Variants in BLTP3B observed in about 807,000 individuals in gnomAD.
BLTP3B encodes bridge-like lipid transfer protein family member 3B, also known as UHRF1 (ICBP90) binding protein 1-like.
the BLTP3B span, chr12:100,057,780 T>C: frequency 1.2e-5 from 18 of 1,528,064 alleles, no homozygotes; most frequent in Admixed American, 4.4e-5. Context: ...TTATTACATA[T>C]AGAGAAAAGA....
At chr12:100,091,841 T>C in the BLTP3B span, among the ~76,000 whole-genome samples, 1 of 150,824 alleles carries the variant, frequency 6.6e-6, no homozygotes, top group Admixed American at 6.6e-5. Flanking sequence ...AGTCTTGCTC[T>C]GTCGCCCAGG....
the BLTP3B span, chr12:100,037,221 T>C: frequency 2.1e-6 from 2 of 962,476 alleles, no homozygotes; most frequent in African/African-American, 1.8e-5. Context: ...ATTTGAATCT[T>C]TGTAAATAAT....
At chr12:100,053,165 G>A in the BLTP3B span, among the ~76,000 whole-genome samples, 1 of 151,960 alleles carries the variant, frequency 6.6e-6, no homozygotes, top group South Asian at 2.1e-4. Context: ...AGCACTTTGG[G>A]AGGCTGAGGC....
the BLTP3B span, among the ~76,000 whole-genome samples, chr12:100,054,378 C>G: frequency 6.6e-6 from 1 of 152,020 alleles, no homozygotes; most frequent in Non-Finnish European, 1.5e-5. Flanking sequence ...GAATGTGAGA[C>G]TTTTTGGTGA....
chr12:100,048,191 C>T, the BLTP3B span: 12 of 1,580,708 alleles, frequency 7.6e-6, no homozygotes, highest in African/African-American at 6.8e-5. Flanking sequence ...GCTTTCTGAT[C>T]GGAACCTAAG....
the BLTP3B span, chr12:100,095,866 T>C: frequency 6.5e-7 from 1 of 1,539,904 alleles, no homozygotes; most frequent in Non-Finnish European, 8.7e-7. Flanking sequence ...TTTTATAAAA[T>C]TAAGCCAAGA....
At chr12:100,103,125 T>A in the BLTP3B span, among the ~76,000 whole-genome samples, 2 of 152,104 alleles carry the variant, frequency 1.3e-5, no homozygotes, top group Admixed American at 1.3e-4. Context: ...GACATAGCCA[T>A]TAACTACTAA....
chr12:100,073,382 T>C, the BLTP3B span, among the ~76,000 whole-genome samples: 2 of 147,054 alleles, frequency 1.4e-5, no homozygotes, highest in South Asian at 4.3e-4. Flanking sequence ...TTTTTTTTGG[T>C]AGAGACGGGG....
the BLTP3B span, chr12:100,069,952 G>A: frequency 5.9e-6 from 7 of 1,181,204 alleles, no homozygotes; most frequent in East Asian, 1.1e-4. Flanking sequence ...ACAATTATGG[G>A]GGCATGGCTG....
chr12:100,082,959 G>C, the BLTP3B span: 1 of 1,249,346 alleles, frequency 8.0e-7, no homozygotes, highest in South Asian at 1.3e-5. Context: ...TATTTAAGTT[G>C]CTTAGATGAG....
At chr12:100,037,413 T>C in the BLTP3B span, 1 of 1,270,488 alleles carries the variant, frequency 7.9e-7, no homozygotes, top group South Asian at 1.9e-5. Flanking sequence ...CACAACAGCT[T>C]AAAAGAGGGT....
chr12:100,098,567 A>G, the BLTP3B span: 2 of 1,580,624 alleles, frequency 1.3e-6, no homozygotes, highest in Non-Finnish European at 1.7e-6. Flanking sequence ...AAAACAAAAT[A>G]CACTAATGAC....
the BLTP3B span, among the ~76,000 whole-genome samples, chr12:100,139,554 A>AC: frequency 6.6e-6 from 1 of 152,124 alleles, no homozygotes; most frequent in African/African-American, 2.4e-5. Context: ...ATCCAAAGGC[A>AC]CCACATTTAT....
At chr12:100,136,545 C>T in the BLTP3B span, among the ~76,000 whole-genome samples, 1 of 152,058 alleles carries the variant, frequency 6.6e-6, no homozygotes, top group Non-Finnish European at 1.5e-5. Context: ...ACGTTAAATA[C>T]ATAAACTCTC....
the BLTP3B span, among the ~76,000 whole-genome samples, chr12:100,042,558 T>C: frequency 6.6e-6 from 1 of 152,152 alleles, no homozygotes. Flanking sequence ...ATAAAATTCT[T>C]AAAAGAAAAC....
the BLTP3B span, among the ~76,000 whole-genome samples, chr12:100,072,348 T>C: frequency 6.6e-6 from 1 of 151,800 alleles, no homozygotes; most frequent in African/African-American, 2.4e-5. Flanking sequence ...AAAGGATACA[T>C]AAACAAATAA....
chr12:100,121,465 G>A, the BLTP3B span, among the ~76,000 whole-genome samples: 1 of 152,068 alleles, frequency 6.6e-6, no homozygotes, highest in Admixed American at 6.6e-5. Context: ...AAAGGAGCAT[G>A]AGGAAACTTT....
chr12:100,072,737 T>G, the BLTP3B span: 1 of 1,606,282 alleles, frequency 6.2e-7, no homozygotes, highest in Non-Finnish European at 8.5e-7. Context: ...TGACATTTCT[T>G]GTGGAAGATA....
At chr12:100,137,284 C>G in the BLTP3B span, among the ~76,000 whole-genome samples, 2 of 152,106 alleles carry the variant, frequency 1.3e-5, no homozygotes, top group African/African-American at 4.8e-5. Context: ...TCTCTCCAGG[C>G]TATCAGCTAC....
Sources: gnomAD v4.1 joint callset for allele counts (sites outside exome capture counted in the v4.1 genomes callset) on GRCh38, gnomAD v4.1.1 for gene constraint, MANE v1.5 for transcripts, NCBI Gene and HGNC (gene_info 2026-07-23, HGNC 2026-07-21) for gene names.